Variants in PCDHA1 observed in about 807,000 individuals in gnomAD.
PCDHA1 encodes the protein protocadherin alpha 1.
In PCDHA1, 42 loss-of-function variants were observed where a neutral mutation model predicts 61.3. The ratio of observed to expected loss-of-function variants is 0.69; its 90% CI spans 0.54 to 0.89. The LOEUF (loss-of-function observed/expected upper bound fraction) is 0.89. PCDHA1 is among the 40% of genes least tolerant of loss of function. PCDHA1 has a pLI of 0.00. For synonymous variants in PCDHA1, 610 were observed against 553.8 expected (o/e 1.10, Z -1.43); for missense variants, 1,256 against 1,235.3 (o/e 1.02, Z -0.25).
intron 1 of PCDHA1, chr5:140,966,759 C>G: frequency 6.9e-7 from 1 of 1,447,012 alleles, no homozygotes; most frequent in Non-Finnish European, 9.1e-7. Context: ...CCGCCGCGGC[C>G]AGTGGCTATG....
chr5:140,888,597 C>A (rs1474772423), intron 1 of PCDHA1, among the ~76,000 whole-genome samples: 3 of 152,216 alleles, frequency 2.0e-5, no homozygotes, highest in African/African-American at 7.2e-5. Flanking sequence ...ACATTCAGAG[C>A]AGCTTTTAGT....
chr5:140,942,122 G>A (rs2093234713), intron 1 of PCDHA1, among the ~76,000 whole-genome samples: 1 of 152,064 alleles, frequency 6.6e-6, no homozygotes, highest in Non-Finnish European at 1.5e-5. Flanking sequence ...TTTATTAAAG[G>A]TGATATTTGT....
chr5:140,990,998 T>C (rs994699186), intron 3 of PCDHA1, among the ~76,000 whole-genome samples: 1 of 152,216 alleles, frequency 6.6e-6, no homozygotes, highest in Non-Finnish European at 1.5e-5. Flanking sequence ...CTACCATTTA[T>C]TGAGAACTGT....
chr5:140,996,799 T>C (rs1372599057), intron 3 of PCDHA1, among the ~76,000 whole-genome samples: 3 of 152,306 alleles, frequency 2.0e-5, no homozygotes, highest in African/African-American at 7.2e-5. Context: ...CTACATCCAA[T>C]CATGCTTTCC....
rs368564838 is a variant in PCDHA1 at position 140,797,139 on chromosome 5, G to A, written c.2394+8455G>A. On this transcript the variant is annotated intron_variant, in intron 1 of 3. Coordinates refer to ENST00000504120, the MANE Select transcript of PCDHA1 (RefSeq NM_018900.4). ...TGTACACTGCGCTGCGGTGCTCGGT[G>A]CCACCCACCGAGGGTGCGCGCGCGC... is the stretch of plus-strand genomic sequence containing the variant. 5.1e-4 allele frequency: 831 copies of A among 1,614,008 alleles called. 7 individuals carry two copies. In the South Asian group the frequency reaches 8.6e-3, roughly 17 times the overall value.
chr5:140,861,923 A>G (rs898939301), intron 1 of PCDHA1: 1 of 153,990 alleles, frequency 6.5e-6, no homozygotes, highest in African/African-American at 2.4e-5. Flanking sequence ...GCTGGATGTA[A>G]ATGATGATGC....
intron 1 of PCDHA1, chr5:140,828,026 G>A: frequency 2.0e-6 from 3 of 1,519,410 alleles, no homozygotes; most frequent in Non-Finnish European, 2.6e-6. Context: ...ATAAATTCCG[G>A]AACATACAGT....
intron 1 of PCDHA1, chr5:140,856,661 C>T: frequency 6.3e-7 from 1 of 1,598,066 alleles, no homozygotes; most frequent in South Asian, 1.1e-5. Flanking sequence ...TGAAGAAAAT[C>T]CTCAGCTAAA....
At chr5:140,858,419 G>C (rs2045401110) in intron 1 of PCDHA1, 1 of 1,559,254 alleles carries the variant, frequency 6.4e-7, no homozygotes. Flanking sequence ...GTCTATTGGA[G>C]GGGACCACTC....
Position 140,850,095 on chromosome 5 carries a change from C to G in PCDHA1, c.2394+61411C>G, listed in dbSNP as rs139719626. The G allele has an allele frequency of 2.5e-3, 3,966 of 1,596,304 alleles. 379 individuals carry two copies. Among genetic ancestry groups the G allele is most frequent in the Non-Finnish European group, 3.1e-3 (3,638 of 1,167,768 alleles). On this transcript the variant is annotated intron_variant, in intron 1 of 3. Transcript: ENST00000504120. Reference sequence around the variant, plus strand: ...CGAGGAGCTGGAGCTGCTACAGTTCCAGGTGAGCGCGCGCGACGCGGGCGT... The same window carrying G: ...CGAGGAGCTGGAGCTGCTACAGTTCGAGGTGAGCGCGCGCGACGCGGGCGT...
At chr5:140,906,982 G>A (rs1298159889) in intron 1 of PCDHA1, among the ~76,000 whole-genome samples, 3 of 152,140 alleles carry the variant, frequency 2.0e-5, no homozygotes, top group African/African-American at 7.2e-5. Flanking sequence ...TCTTCTGGTG[G>A]CAGCATTCCT....
intron 3 of PCDHA1, among the ~76,000 whole-genome samples, chr5:141,009,180 T>C (rs1272195338): frequency 6.6e-6 from 1 of 152,170 alleles, no homozygotes; most frequent in Non-Finnish European, 1.5e-5. Context: ...CTTGGCTGGG[T>C]GTGGTAGCTC....
At chr5:140,926,584 C>A in intron 1 of PCDHA1, 1 of 285,402 alleles carries the variant, frequency 3.5e-6, no homozygotes, top group Non-Finnish European at 6.4e-6. Context: ...GCACCTCTCG[C>A]GCCCGGGCGG....
At chr5:140,966,645 C>A in intron 1 of PCDHA1, 1 of 1,125,650 alleles carries the variant, frequency 8.9e-7, no homozygotes, top group African/African-American at 1.7e-5. Context: ...CTTTCTAGAG[C>A]GTGAGCGGTG....
chr5:140,853,646 G>T (rs1277332064), intron 1 of PCDHA1: 1 of 988,662 alleles, frequency 1.0e-6, no homozygotes, highest in Non-Finnish European at 1.2e-6. Flanking sequence ...CCTAAATTGA[G>T]CCTGTTCCAG....
chr5:140,953,270 T>A (rs1362290837), intron 1 of PCDHA1, among the ~76,000 whole-genome samples: 6 of 152,152 alleles, frequency 3.9e-5, no homozygotes, highest in Non-Finnish European at 5.9e-5. Flanking sequence ...GCTTTAGCCT[T>A]TGCTCTTTAT....
intron 3 of PCDHA1, among the ~76,000 whole-genome samples, chr5:141,005,634 G>A (rs782404455): frequency 4.8e-5 from 7 of 146,670 alleles, no homozygotes; most frequent in Middle Eastern, 3.6e-3. Flanking sequence ...CCCGGGAGGC[G>A]GAGCTTGCAG....
intron 1 of PCDHA1, chr5:140,795,177 C>T (rs782672356): frequency 3.1e-6 from 5 of 1,613,946 alleles, no homozygotes; most frequent in East Asian, 4.5e-5. Flanking sequence ...CCAAAAGACA[C>T]GGGGACCTTC....
At chr5:140,973,980 A>G (rs1554235707) in intron 1 of PCDHA1, among the ~76,000 whole-genome samples, 1 of 152,248 alleles carries the variant, frequency 6.6e-6, no homozygotes, top group African/African-American at 2.4e-5. Flanking sequence ...TGGCTTTTAC[A>G]GAACTTCACC....
Sources: gnomAD v4.1 joint callset for allele counts (sites outside exome capture counted in the v4.1 genomes callset) on GRCh38, gnomAD v4.1.1 for gene constraint, MANE v1.5 for transcripts, NCBI Gene and HGNC (gene_info 2026-07-23, HGNC 2026-07-21) for gene names.